RAD51: variants seen among roughly 807,000 people sequenced by gnomAD.
RAD51 encodes the protein RAD51 recombinase.
RAD51 carries 14 observed loss-of-function variants against 41.5 expected under a neutral mutation model. That is an observed-to-expected ratio of 0.34 (90% CI 0.22 to 0.53). The LOEUF (loss-of-function observed/expected upper bound fraction) is 0.53. Ranked by LOEUF, RAD51 falls within the 20% of genes least tolerant of loss-of-function variation. RAD51 has a pLI of 0.95. For synonymous variants in RAD51, 136 were observed against 148.6 expected (o/e 0.92, Z 0.62); for missense variants, 234 against 422.0 (o/e 0.55, Z 3.90).
chr15:40,714,898 G>T, intron 5 of RAD51, among the ~76,000 whole-genome samples: 1 of 152,228 alleles, frequency 6.6e-6, no homozygotes, highest in Non-Finnish European at 1.5e-5. Flanking sequence ...TCTGGGCCGG[G>T]TATGGTGGCT....
intron 5 of RAD51, among the ~76,000 whole-genome samples, chr15:40,709,518 C>G (rs1033251462): frequency 6.6e-6 from 1 of 151,714 alleles, no homozygotes; most frequent in Non-Finnish European, 1.5e-5. Context: ...GGATTACAGG[C>G]GCCCACCAGC....
At chr15:40,722,394 C>G (rs1328486982) in intron 6 of RAD51, among the ~76,000 whole-genome samples, 2 of 143,632 alleles carry the variant, frequency 1.4e-5, no homozygotes, top group African/African-American at 5.2e-5. Context: ...GCCTGGGCAA[C>G]AAGAGCGAAA....
At position 40,718,900 on chromosome 15, in the gene RAD51, G is replaced by T. The variant is rs1397022269; in HGVS notation, c.530+1G>T. ...AACGGCTGCTGGCAGTGGCTGAGAGGTAGGTTACTGGTTTAGATAAGAGAG... is the reference window on the plus strand; with the variant it reads ...AACGGCTGCTGGCAGTGGCTGAGAGTTAGGTTACTGGTTTAGATAAGAGAG... On this transcript the variant is annotated splice_donor_variant, in intron 6 of 9. Coordinates refer to ENST00000267868, the MANE Select transcript of RAD51 (RefSeq NM_002875.5). LOFTEE classifies it high-confidence loss of function. The T allele has an allele frequency of 6.2e-7, 1 of 1,601,754 alleles. No homozygotes were observed. The highest frequency in any genetic ancestry group is 8.6e-7 in the Non-Finnish European group (1 of 1,168,910).
intron 2 of RAD51, 123 bp from the exon 3 acceptor site, chr15:40,700,941 A>AT: frequency 2.3e-6 from 1 of 426,640 alleles, no homozygotes; most frequent in Non-Finnish European, 4.4e-6. Flanking sequence ...CCCCCCAAGG[A>AT]TTTCAAGGGA....
chr15:40,731,585 AG>A lies in RAD51; in HGVS notation c.*408del. On this transcript the variant is annotated 3_prime_UTR_variant, in exon 10 of 10. Coordinates refer to ENST00000267868, the MANE Select transcript of RAD51 (RefSeq NM_002875.5). ...GTAAAATAAAATGCCTCAGCTATGT[AG>A]CAAAGGGAATGGGTCTGCACAGATT... 3.1e-6 allele frequency: 1 copy of A among 326,768 alleles called. No homozygotes were observed. Among genetic ancestry groups the A allele is most frequent in the Non-Finnish European group, 5.7e-6 (1 of 174,866 alleles). The allele number at this position is 326,768 out of a possible 1,614,324, so 20.2% of individuals were successfully genotyped here.
At chr15:40,702,504 T>C (rs1259188624) in intron 3 of RAD51, among the ~76,000 whole-genome samples, 1 of 152,156 alleles carries the variant, frequency 6.6e-6, no homozygotes, top group Non-Finnish European at 1.5e-5. Flanking sequence ...AGATTATGAT[T>C]GTATTGTTTG....
chr15:40,731,431 T>C lies in RAD51; in HGVS notation c.*253T>C. On this transcript the variant is annotated 3_prime_UTR_variant, in exon 10 of 10. Transcript: ENST00000267868. ...GTTTTCTTTGGTTTTGGAGGAGGGG[T>C]ATGAAGTATCTTTGACATGGTGCCT... 1 of 493,352 alleles carries C rather than the reference T, an allele frequency of 2.0e-6. No homozygotes were observed. Among genetic ancestry groups the C allele is most frequent in the Non-Finnish European group, 3.6e-6 (1 of 274,110 alleles). The allele number at this position is 493,352 out of a possible 1,614,324, so 30.6% of individuals were successfully genotyped here.
At chr15:40,722,078 T>C (rs1463563543) in intron 6 of RAD51, among the ~76,000 whole-genome samples, 2 of 152,178 alleles carry the variant, frequency 1.3e-5, no homozygotes, top group Non-Finnish European at 2.9e-5. Context: ...CCACTAACCT[T>C]CAGGGCATTA....
intron 1 of RAD51, among the ~76,000 whole-genome samples, chr15:40,696,532 G>C (rs1440390733): frequency 6.6e-6 from 1 of 152,168 alleles, no homozygotes; most frequent in Non-Finnish European, 1.5e-5. Context: ...TCAGGCCACT[G>C]CACTCCAACC....
At chr15:40,721,386 A>G (rs1027017910) in intron 6 of RAD51, among the ~76,000 whole-genome samples, 46 of 152,346 alleles carry the variant, frequency 3.0e-4, no homozygotes, top group African/African-American at 1.0e-3. Context: ...TTAAATTCTT[A>G]TTATAAAGCT....
chr15:40,696,185 TTTTGTTTG>T (rs368175750), intron 1 of RAD51, among the ~76,000 whole-genome samples: 1 of 151,978 alleles, frequency 6.6e-6, no homozygotes, highest in East Asian at 1.9e-4. Context: ...GCCCCTGTTT[TTTTGTTTG>T]TTTGTTTGTT....
intron 5 of RAD51, among the ~76,000 whole-genome samples, chr15:40,718,375 G>A (rs1259054262): frequency 6.6e-6 from 1 of 152,008 alleles, no homozygotes; most frequent in Non-Finnish European, 1.5e-5. Context: ...AAAATTAGCT[G>A]GGCGTGGTGG....
chr15:40,716,583 C>A (rs1348460648), intron 5 of RAD51, among the ~76,000 whole-genome samples: 1 of 150,682 alleles, frequency 6.6e-6, no homozygotes, highest in Non-Finnish European at 1.5e-5. Flanking sequence ...CCAGGCTGGT[C>A]TCGAACTCCT....
At chr15:40,700,162 C>T (rs1326346459) in intron 2 of RAD51, among the ~76,000 whole-genome samples, 2 of 152,194 alleles carry the variant, frequency 1.3e-5, no homozygotes, top group Admixed American at 6.6e-5. Flanking sequence ...CTCCCAACCC[C>T]TGAATGCACC....
At chr15:40,700,985 A>AAGTATGT in intron 2 of RAD51, 79 bp from the exon 3 acceptor site, 1 of 1,317,306 alleles carries the variant, frequency 7.6e-7, no homozygotes, top group Admixed American at 1.9e-5. Context: ...CACCTCTGTG[A>AAGTATGT]AGTATGTAGG....
At position 40,695,330 on chromosome 15, in the gene RAD51, G is replaced by C. The variant is rs1801320; in HGVS notation, c.-98G>C. On this transcript the variant is annotated 5_prime_UTR_variant, in exon 1 of 10. Transcript: ENST00000267868. Reference sequence around the variant, plus strand: ...GAGTAGAGAAGTGGAGCGTAAGCCAGGGGCGTTGGGGGCCGTGCGGGTCGG... The same window carrying C: ...GAGTAGAGAAGTGGAGCGTAAGCCACGGGCGTTGGGGGCCGTGCGGGTCGG... 0.12 allele frequency: 18,701 copies of C among 152,656 alleles called. 1,478 individuals are homozygous for C. Among genetic ancestry groups the C allele is most frequent in the African/African-American group, 0.23 (9,506 of 41,546 alleles). The allele number at this position is 152,656 out of a possible 1,614,324, so 9.5% of individuals were successfully genotyped here. A position where few individuals can be genotyped will look rare whatever the true frequency, so the allele number is the denominator to read the frequency against.
rs772005920 is a variant in RAD51 at position 40,709,371 on chromosome 15, C to CTTT, written c.435+276_435+278dup. On this transcript the variant is annotated intron_variant, in intron 5 of 9. Coordinates refer to ENST00000267868, the MANE Select transcript of RAD51 (RefSeq NM_002875.5). ...GGCCTTTTCCTGGCTTTACTTGCTA[C>CTTT]TTTTTTTTTTTTTTTTTTTTTTTGA... Among the ~76,000 whole-genome samples, 414 of 110,792 alleles carry CTTT rather than the reference C, an allele frequency of 3.7e-3. 2 individuals carry two copies. The highest frequency in any genetic ancestry group is 9.1e-3 in the East Asian group (32 of 3,526). The allele number at this position is 110,792 out of a possible 152,430, so 72.7% of individuals were successfully genotyped here.
chr15:40,711,990 T>C (rs1275912662), intron 5 of RAD51, among the ~76,000 whole-genome samples: 1 of 151,310 alleles, frequency 6.6e-6, no homozygotes, highest in Admixed American at 6.6e-5. Flanking sequence ...GAGAATCGCT[T>C]GAGCCCAGGA....
rs374283749 is a variant in RAD51 at position 40,726,319 on chromosome 15, T to C, written c.531-2392T>C. Reference sequence around the variant, plus strand: ...CAGGCTGGAGTACAGTGGCGTGATATTGGCTCACTGCAACCTCCGCCTCTC... The same window carrying C: ...CAGGCTGGAGTACAGTGGCGTGATACTGGCTCACTGCAACCTCCGCCTCTC... On this transcript the variant is annotated intron_variant, in intron 6 of 9. Transcript: ENST00000267868. Among the ~76,000 whole-genome samples, 14 of 151,190 alleles carry C rather than the reference T, an allele frequency of 9.3e-5. No homozygotes were observed. The East Asian group carries it at 1.0e-3, about 11-fold the overall frequency.
Sources: allele counts gnomAD v4.1 joint callset (sites outside exome capture counted in the v4.1 genomes callset), GRCh38; gene constraint gnomAD v4.1.1; transcripts MANE v1.5; gene names NCBI Gene and HGNC (gene_info 2026-07-23, HGNC 2026-07-21).